Variants in HEXIM2 observed in about 807,000 individuals in gnomAD.
The protein encoded by HEXIM2 is HEXIM P-TEFb complex subunit 2.
For synonymous variants in HEXIM2, 159 were observed against 162.7 expected (o/e 0.98, Z 0.17); for missense variants, 413 against 390.8 (o/e 1.06, Z -0.48).
Position 45,169,654 on chromosome 17 carries a change from C to T in HEXIM2, c.706C>T (p.Gln236Ter). 1 of 1,533,558 alleles carries T rather than the reference C, an allele frequency of 6.5e-7. No homozygotes were observed. Among genetic ancestry groups the T allele is most frequent in the South Asian group, 1.2e-5 (1 of 82,920 alleles). The allele number at this position is 1,533,558 out of a possible 1,614,324, so 95.0% of individuals were successfully genotyped here. ...GGAGGAGGAGACTAGGAGGCTGCAG[C>T]AGCTGCAGGCGTGCACCGGCCAGCA... ...QAEEETRRLQ[Q>*]LQACTGQQSC... Residue 236 changes from glutamine (Q) to a stop codon, truncating the protein, a stop_gained, in exon 4 of 4, where the codon CAG becomes TAG. Coordinates refer to ENST00000589230, the MANE Select transcript of HEXIM2 (RefSeq NM_001303441.2). LOFTEE classifies it low-confidence loss of function (END_TRUNC).
At chr17:45,165,240 G>A (rs2042806269) in intron 3 of HEXIM2, among the ~76,000 whole-genome samples, 1 of 152,086 alleles carries the variant, frequency 6.6e-6, no homozygotes. Context: ...CTCCCTGCAG[G>A]TGAAGTAACA....
chr17:45,165,768 TTTTAA>T (rs140460755), intron 3 of HEXIM2, among the ~76,000 whole-genome samples: 8,769 of 151,852 alleles, frequency 0.058, 786 homozygotes, highest in African/African-American at 0.19. Flanking sequence ...TTATTTTATT[TTTTAA>T]TTTAATTTAA....
At chr17:45,168,896 A>G (rs2144090381) in intron 3 of HEXIM2, 119 bp from the exon 4 acceptor site, 1 of 954,568 alleles carries the variant, frequency 1.0e-6, no homozygotes, top group South Asian at 1.6e-5. Flanking sequence ...TTGAGGGGCT[A>G]AGAGTGACCA....
chr17:45,160,705 T>G, upstream of HEXIM2: 1 of 381,346 alleles, frequency 2.6e-6, no homozygotes, highest in Non-Finnish European at 5.3e-6. Flanking sequence ...GCAGCACACT[T>G]TAGGCGTTTC....
At chr17:45,168,262 A>T (rs1422267849) in intron 3 of HEXIM2, among the ~76,000 whole-genome samples, 2 of 148,130 alleles carry the variant, frequency 1.4e-5, no homozygotes, top group Admixed American at 1.3e-4. Flanking sequence ...CGGGTGGATC[A>T]CCTGAGGTCA....
At chr17:45,161,870 A>G (rs2042704805), upstream of HEXIM2, 1 of 985,718 alleles carries the variant, frequency 1.0e-6, no homozygotes, top group Non-Finnish European at 1.2e-6. Context: ...CCGCGCGTCC[A>G]GGCTCTCTCT....
chr17:45,165,664 C>T (rs2042824123), intron 3 of HEXIM2, among the ~76,000 whole-genome samples: 1 of 152,212 alleles, frequency 6.6e-6, no homozygotes. Context: ...GACCCTCCCT[C>T]TCTTTGGAGA....
Position 45,169,296 on chromosome 17 carries a change from G to A in HEXIM2, c.348G>A (p.Arg116=). The A allele has an allele frequency of 1.2e-6, 2 of 1,613,882 alleles. No individual in the cohort carries two copies. The highest frequency in any genetic ancestry group is 1.7e-6 in the Non-Finnish European group (2 of 1,180,040). ...TGAGCTGGGCTGAGAAACAACAGCG[G>A]GATGAGAGGCAGAGCCAGAGGGCCT... is the stretch of plus-strand genomic sequence containing the variant. The part of the protein sequence containing the change: ...LELSWAEKQQ[R]DERQSQRASR... The change falls in exon 4 of 4, where the codon CGG becomes CGA. Residue 116 remains arginine (R), a synonymous_variant. Coordinates refer to ENST00000589230, the MANE Select transcript of HEXIM2 (RefSeq NM_001303441.2).
In HEXIM2 at chr17:45,161,886, C is replaced by A. The variant is rs936495071; in HGVS notation, c.-338C>A. On this transcript the variant is annotated 5_prime_UTR_variant, in exon 1 of 4. Transcript: ENST00000589230. ...CGCGCGTCCAGGCTCTCTCTTCCCC[C>A]CCATCTTAGTGGCCTGAGCGGCTTG... The A allele has an allele frequency of 3.2e-5, 32 of 985,612 alleles. No homozygotes were observed. The highest frequency in any genetic ancestry group is 5.2e-5 in the African/African-American group (3 of 57,238). The allele number at this position is 985,612 out of a possible 1,614,324, so 61.1% of individuals were successfully genotyped here. A position where few individuals can be genotyped will look rare whatever the true frequency, so the allele number is the denominator to read the frequency against.
upstream of HEXIM2, chr17:45,160,996 C>A: frequency 7.8e-7 from 1 of 1,275,890 alleles, no homozygotes; most frequent in Non-Finnish European, 1.0e-6. Context: ...CTGACTGCCA[C>A]GCCGACTTGT....
intron 3 of HEXIM2, among the ~76,000 whole-genome samples, chr17:45,167,758 C>T (rs1476572077): frequency 6.6e-6 from 1 of 152,064 alleles, no homozygotes; most frequent in East Asian, 1.9e-4. Context: ...TCACACCCAG[C>T]TAATTTTTTT....
At chr17:45,160,559 CAAGCAGATGTTGATG>C (rs2042658178), upstream of HEXIM2, 1 of 208,060 alleles carries the variant, frequency 4.8e-6, no homozygotes, top group African/African-American at 2.3e-5. Context: ...TTTCAAAATG[CAAGCAGATGTTGATG>C]AAGCATACGA....
intron 3 of HEXIM2, among the ~76,000 whole-genome samples, chr17:45,164,121 C>G (rs534838964): frequency 6.6e-6 from 1 of 150,952 alleles, no homozygotes; most frequent in Non-Finnish European, 1.5e-5. Flanking sequence ...TGCCATTGCA[C>G]TCCAGCTTGG....
In HEXIM2 at chr17:45,169,177, C is replaced by T. The variant is rs867315326; in HGVS notation, c.229C>T (p.Pro77Ser). The change falls in exon 4 of 4, where the codon CCA (proline) becomes TCA (serine). Residue 77 changes from proline to serine, a missense_variant. By Grantham distance (74) the Pro-to-Ser change is moderately conservative (BLOSUM62 -1). Coordinates refer to ENST00000589230, the MANE Select transcript of HEXIM2 (RefSeq NM_001303441.2). Reference protein sequence around the residue: ...WNSRSPRTQSPGGCSAEAVLA... With the variant: ...WNSRSPRTQSSGGCSAEAVLA... ...CAGTAGGAGTCCCCGGACCCAGAGC[C>T]CAGGGGGCTGCTCAGCGGAGGCTGT... 1 of 1,613,774 alleles carries T rather than the reference C, an allele frequency of 6.2e-7. No homozygotes were observed. Among genetic ancestry groups the T allele is most frequent in the Non-Finnish European group, 8.5e-7 (1 of 1,180,040 alleles).
intron 3 of HEXIM2, among the ~76,000 whole-genome samples, chr17:45,165,981 G>C: frequency 6.6e-6 from 1 of 151,876 alleles, no homozygotes; most frequent in East Asian, 1.9e-4. Flanking sequence ...ATTTTTAGTA[G>C]AGACGGGGTT....
intron 3 of HEXIM2, among the ~76,000 whole-genome samples, chr17:45,166,654 TGG>T (rs2042849916): frequency 6.6e-6 from 1 of 151,976 alleles, no homozygotes; most frequent in Non-Finnish European, 1.5e-5. Flanking sequence ...GGAGGCGAGA[TGG>T]GGGAGTCTAC....
upstream of HEXIM2, chr17:45,161,779 T>C (rs553613933): frequency 2.3e-5 from 22 of 966,610 alleles, no homozygotes; most frequent in African/African-American, 3.9e-4. Flanking sequence ...AGATGGGTTT[T>C]GGAGTCTCGG....
At chr17:45,165,788 A>G (rs1420597010) in intron 3 of HEXIM2, among the ~76,000 whole-genome samples, 1 of 151,474 alleles carries the variant, frequency 6.6e-6, no homozygotes, top group East Asian at 1.9e-4. Flanking sequence ...ATTTAATTTA[A>G]TTTAATTATT....
At chr17:45,167,740 G>A (rs898367414) in intron 3 of HEXIM2, among the ~76,000 whole-genome samples, 9 of 151,784 alleles carry the variant, frequency 5.9e-5, no homozygotes, top group East Asian at 1.9e-4. Context: ...GACTACAGGC[G>A]CCCGCCATCA....
Sources: allele counts gnomAD v4.1 joint callset (sites outside exome capture counted in the v4.1 genomes callset), GRCh38; gene constraint gnomAD v4.1.1; transcripts MANE v1.5; gene names NCBI Gene and HGNC (gene_info 2026-07-23, HGNC 2026-07-21).